ATF6B: variants seen among roughly 807,000 people sequenced by gnomAD.
ATF6B encodes the protein activating transcription factor 6 beta, also known as cyclic AMP-dependent transcription factor ATF-6 beta.
In ATF6B, 50 loss-of-function variants were observed where a neutral mutation model predicts 83.5. The observed-to-expected ratio is 0.60, with a 90% CI of 0.48 to 0.76. The LOEUF is 0.76. Ranked by LOEUF, ATF6B falls within the 30% of genes least tolerant of loss-of-function variation. ATF6B has a pLI of 0.00. For synonymous variants in ATF6B, 344 were observed against 362.8 expected, an observed-to-expected ratio of 0.95 and a Z score of 0.59; for missense variants, 790 against 893.8, an observed-to-expected ratio of 0.88 and a Z score of 1.48.
Position 32,126,214 on chromosome 6 carries a change from C to G in ATF6B, c.381G>C (p.Glu127Asp). 1 of 1,614,142 alleles carries G rather than the reference C, an allele frequency of 6.2e-7. No homozygotes were observed. Among genetic ancestry groups the G allele is most frequent in the Non-Finnish European group, 8.5e-7 (1 of 1,180,016 alleles). ...GGAGACACAGTGGGGGTGCCAAGGA[C>G]TCTGTCTTCACATGGAGCACCTCCC... ...GVGEVLHVKT[E>D]SLAPPLCLLG... Residue 127 changes from glutamate (E) to aspartate (D), a missense_variant, in exon 5 of 18, where the codon GAG becomes GAC. Around this residue, in one of 3 missense-constraint regions of ATF6B, gnomAD observed 253 missense variants for 243.1 expected, o/e 1.04. Coordinates refer to ENST00000375203, the MANE Select transcript of ATF6B (RefSeq NM_004381.5).
In ATF6B at chr6:32,119,799, T is replaced by G; in HGVS notation, c.966+25A>C. On this transcript the variant is annotated intron_variant, in intron 9 of 17. Coordinates refer to ENST00000375203, the MANE Select transcript of ATF6B (RefSeq NM_004381.5). The surrounding 1 kb of genome is among the most constrained non-coding windows in gnomAD (Gnocchi z 4.9). The stretch of plus-strand genomic sequence containing the variant: ...CCTCTTCCCTTCCCATCACTCGCCC[T>G]ACTTCTCTCCTCCCCAACACTTACA... The G allele has an allele frequency of 1.2e-6, 2 of 1,612,256 alleles. No homozygotes were observed. The highest frequency in any genetic ancestry group is 1.7e-6 in the Non-Finnish European group (2 of 1,178,840).
Position 32,116,015 on chromosome 6 carries a change from G to A in ATF6B, c.1883-47C>T. On this transcript the variant is annotated intron_variant, in intron 17 of 17. Coordinates refer to ENST00000375203, the MANE Select transcript of ATF6B (RefSeq NM_004381.5). The surrounding 1 kb of genome is among the most constrained non-coding windows in gnomAD (Gnocchi z 5.1). ...GGAAGAGGAGATGGGGAGGCAAACA[G>A]GGATTGCAGGGAGGAGGGGAGGAGG... is the stretch of plus-strand genomic sequence containing the variant. 3.4e-6 allele frequency: 5 copies of A among 1,469,810 alleles called. No individual in the cohort carries two copies. Among genetic ancestry groups the A allele is most frequent in the Non-Finnish European group, 4.7e-6 (5 of 1,061,644 alleles). The allele number at this position is 1,469,810 out of a possible 1,614,324, so 91.0% of individuals were successfully genotyped here.
In ATF6B at chr6:32,118,956, T is replaced by C; in HGVS notation, c.1152A>G (p.Glu384=). ...TCTCCCAGGGACAGACTGGTCTTAC[T>C]TCAGCCAGCAGGGCCTCCAGCCGCC... ...LRRRLEALLA[E]NSELKLGSGN... Residue 384 remains glutamate (E), a splice_region_variant and synonymous_variant, in exon 10 of 18, where the codon GAA becomes GAG. Transcript: ENST00000375203. This position sits in a 1 kb window ranked among gnomAD's most constrained non-coding sequence, Gnocchi z 5.2. The C allele has an allele frequency of 6.2e-7, 1 of 1,613,976 alleles. No individual in the cohort carries two copies. The highest frequency in any genetic ancestry group is 8.5e-7 in the Non-Finnish European group (1 of 1,179,834).
chr6:32,119,795 G>A lies in ATF6B; in HGVS notation c.966+29C>T, dbSNP rs747574554. 16 of 1,607,966 alleles carry A rather than the reference G, an allele frequency of 1.0e-5. No individual in the cohort carries two copies. The highest frequency in any genetic ancestry group is 6.7e-5 in the African/African-American group (5 of 74,588). On this transcript the variant is annotated intron_variant, in intron 9 of 17. Transcript: ENST00000375203. This position sits in a 1 kb window ranked among gnomAD's most constrained non-coding sequence, Gnocchi z 4.9. ...CTTCCCTCTTCCCTTCCCATCACTC[G>A]CCCTACTTCTCTCCTCCCCAACACT...
rs767831852 is a variant in ATF6B, at chr6:32,127,770, T to G, written c.92-20A>C. The G allele has an allele frequency of 6.2e-7, 1 of 1,613,486 alleles. No individual in the cohort carries two copies. Among genetic ancestry groups the G allele is most frequent in the Admixed American group, 1.7e-5 (1 of 59,994 alleles). Reference sequence around the variant, plus strand: ...TGCTGTCTGCAAGAAATGCTGAGCGTCGGGGGGTCGTTCGGTGGCCCCAGC... The same window carrying G: ...TGCTGTCTGCAAGAAATGCTGAGCGGCGGGGGGTCGTTCGGTGGCCCCAGC... On this transcript the variant is annotated intron_variant, in intron 1 of 17. Transcript: ENST00000375203.
At chr6:32,127,322 A>G (rs1291485184) in intron 3 of ATF6B, 120 bp downstream of exon 3, 1 of 1,358,862 alleles carries the variant, frequency 7.4e-7, no homozygotes, top group Non-Finnish European at 1.0e-6. Flanking sequence ...AGGGGATTGA[A>G]GGAGAGAGGA....
At position 32,125,366 on chromosome 6, in the gene ATF6B, G is replaced by A. The variant is rs530820687; in HGVS notation, c.478+751C>T. ...TCAATAAACATTTACTAAATACACA[G>A]CTACGAGTAAATAAACTTGGGAACA... On this transcript the variant is annotated intron_variant, in intron 5 of 17. Transcript: ENST00000375203. This position sits in a 1 kb window ranked among gnomAD's most constrained non-coding sequence, Gnocchi z 4.1. 6.6e-6 allele frequency among the ~76,000 whole-genome samples: 1 copy of A among 152,224 alleles called. No individual in the cohort carries two copies. The highest frequency in any genetic ancestry group is 2.1e-4 in the South Asian group (1 of 4,828).
intron 8 of ATF6B, chr6:32,120,183 C>T (rs887625734): frequency 3.0e-4 from 107 of 355,274 alleles, no homozygotes; most frequent in Non-Finnish European, 4.4e-4. Context: ...CTGCAAGCTC[C>T]GCCTCCCGGG....
At position 32,117,518 on chromosome 6, in the gene ATF6B, C is replaced by T. The variant is rs1313016661; in HGVS notation, c.1532+69G>A. 8.2e-6 allele frequency: 13 copies of T among 1,594,306 alleles called. No individual in the cohort carries two copies. The highest frequency in any genetic ancestry group is 8.6e-6 in the Non-Finnish European group (10 of 1,166,468). ...AGCACTGGCGCTTTAGTACACAGGC[C>T]AGCCAGGCTGACTGCAGAAGGCCTT... On this transcript the variant is annotated intron_variant, in intron 13 of 17. Transcript: ENST00000375203. The surrounding 1 kb of genome is among the most constrained non-coding windows in gnomAD (Gnocchi z 5.0).
Position 32,123,227 on chromosome 6 carries a change from CAAAAAAAAAAAA to C in ATF6B, c.479-1891_479-1880del, listed in dbSNP as rs9279489. Among the ~76,000 whole-genome samples, 12 of 58,940 alleles carry C rather than the reference CAAAAAAAAAAAA, an allele frequency of 2.0e-4. No homozygotes were observed. The East Asian group carries it at 4.9e-3, about 24-fold the overall frequency. The allele number at this position is 58,940 out of a possible 152,430, so 38.7% of individuals were successfully genotyped here. ...TGGGTGACAGGGCAAAACTCTGTCTCAAAAAAAAAAAAAAAAAAAAAAAAAAGGGAACTATTT... is the reference window on the plus strand; with the variant it reads ...TGGGTGACAGGGCAAAACTCTGTCTCAAAAAAAAAAAAAAGGGAACTATTT... On this transcript the variant is annotated intron_variant, in intron 5 of 17. Transcript: ENST00000375203.
In ATF6B at chr6:32,126,156, C is replaced by T. The variant is rs568807205; in HGVS notation, c.439G>A (p.Val147Ile). 29 of 1,614,144 alleles carry T rather than the reference C, an allele frequency of 1.8e-5. No homozygotes were observed. Among genetic ancestry groups the T allele is most frequent in the Admixed American group, 1.3e-4 (8 of 60,016 alleles). Residue 147 changes from valine (V) to isoleucine (I), a missense_variant, in exon 5 of 18, where the codon GTC becomes ATC. By Grantham distance (29) the Val-to-Ile change is conservative. This residue lies in a region of ATF6B where 253 missense variants were observed against 243.1 expected (regional missense o/e 1.04). Transcript: ENST00000375203. ...GAGGTGGGGATAACGTTGATCTGGA[C>T]GGTTTCAAATGAGGATGTTGGGTCA... is the stretch of plus-strand genomic sequence containing the variant. ...GDDPTSSFET[V>I]QINVIPTSDD...
At position 32,119,440 on chromosome 6, in the gene ATF6B, A is replaced by G. The variant is rs564093398; in HGVS notation, c.967-299T>C. On this transcript the variant is annotated intron_variant, in intron 9 of 17. Transcript: ENST00000375203. This position sits in a 1 kb window ranked among gnomAD's most constrained non-coding sequence, Gnocchi z 4.9. ...TAACTCTTTCTTCCTGTCAGCCCAC[A>G]TTTGTAGGGTTCAAAGTTTAACCTT... Among the ~76,000 whole-genome samples, 7 of 152,270 alleles carry G rather than the reference A, an allele frequency of 4.6e-5. No individual in the cohort carries two copies. The highest frequency in any genetic ancestry group is 6.5e-5 in the Admixed American group (1 of 15,294).
In ATF6B at chr6:32,116,636, A is replaced by C; in HGVS notation, c.1797+68T>G. 6.2e-7 allele frequency: 1 copy of C among 1,603,918 alleles called. No individual in the cohort carries two copies. The highest frequency in any genetic ancestry group is 8.5e-7 in the Non-Finnish European group (1 of 1,171,188). ...AACAAGCTCCCCAGCCCTACTCTAC[A>C]TCCCCCCACTGAAGACAGACTGCTG... On this transcript the variant is annotated intron_variant, in intron 16 of 17. Transcript: ENST00000375203. This position sits in a 1 kb window ranked among gnomAD's most constrained non-coding sequence, Gnocchi z 5.1.
rs1380031650 is a variant in ATF6B, at chr6:32,115,403, C to T, written c.*336G>A. 1 of 206,326 alleles carries T rather than the reference C, an allele frequency of 4.8e-6. No homozygotes were observed. Among genetic ancestry groups the T allele is most frequent in the Non-Finnish European group, 9.6e-6 (1 of 104,334 alleles). 12.8% of individuals were successfully genotyped at this position (206,326 alleles called of 1,614,324 possible). ...AATGAAAAAACTTCCCTTGTCCCAC[C>T]TGGGGACTAAATTCCCACCTCCACT... On this transcript the variant is annotated 3_prime_UTR_variant, in exon 18 of 18. Coordinates refer to ENST00000375203, the MANE Select transcript of ATF6B (RefSeq NM_004381.5).
In ATF6B at chr6:32,115,884, T is replaced by C. The variant is rs1420438871; in HGVS notation, c.1967A>G (p.His656Arg). 6.2e-7 allele frequency: 1 copy of C among 1,614,132 alleles called. No homozygotes were observed. The highest frequency in any genetic ancestry group is 8.5e-7 in the Non-Finnish European group (1 of 1,180,016). Residue 656 changes from histidine to arginine, a missense_variant, in exon 18 of 18, where the codon CAC becomes CGC. By Grantham distance (29) the His-to-Arg change is conservative. This residue lies in a region of ATF6B where 530 missense variants were observed against 632.6 expected (regional missense o/e 0.84). Coordinates refer to ENST00000375203, the MANE Select transcript of ATF6B (RefSeq NM_004381.5). ...ECEVMDTRVI[H>R]IKTSTVPPSL... ...GGGGGGCACTGTGGAGGTCTTGATG[T>C]GAATCACCCTGGTGTCCATGACCTC...
intron 8 of ATF6B, 127 bp from the exon 9 acceptor site, chr6:32,120,084 GC>G: frequency 3.3e-6 from 4 of 1,227,970 alleles, no homozygotes; most frequent in Non-Finnish European, 4.4e-6. Context: ...GGTCAATGCA[GC>G]CCGCCTCCTT....
intron 1 of ATF6B, among the ~76,000 whole-genome samples, 177 bp downstream of exon 1, chr6:32,127,940 G>A (rs527996703): frequency 6.6e-6 from 1 of 152,204 alleles, no homozygotes; most frequent in South Asian, 2.1e-4. Flanking sequence ...TTCCAGCAGG[G>A]AGCAGAGTTC....
intron 5 of ATF6B, 69 bp from the exon 6 acceptor site, chr6:32,121,417 G>A: frequency 6.8e-7 from 1 of 1,469,232 alleles, no homozygotes; most frequent in Non-Finnish European, 9.4e-7. Flanking sequence ...GGGTTAAGAT[G>A]GGAGGCTGGG....
rs528391263 is a variant in ATF6B at position 32,119,479 on chromosome 6, T to C, written c.967-338A>G. Among the ~76,000 whole-genome samples, 1 of 152,306 alleles carries C rather than the reference T, an allele frequency of 6.6e-6. No homozygotes were observed. Among genetic ancestry groups the C allele is most frequent in the South Asian group, 2.1e-4 (1 of 4,824 alleles). On this transcript the variant is annotated intron_variant, in intron 9 of 17. Transcript: ENST00000375203. This position sits in a 1 kb window ranked among gnomAD's most constrained non-coding sequence, Gnocchi z 4.9. Reference sequence around the variant, plus strand: ...AAGTTTAACCTTGTTATACTGCTTATACAGTTTACCTGATTTTCCCCTAGG... The same window carrying C: ...AAGTTTAACCTTGTTATACTGCTTACACAGTTTACCTGATTTTCCCCTAGG...
Sources: allele counts gnomAD v4.1 joint callset (sites outside exome capture counted in the v4.1 genomes callset), GRCh38; gene constraint gnomAD v4.1.1; regional missense constraint gnomAD v4.1.1; non-coding constraint Gnocchi (gnomAD v3.1); transcripts MANE v1.5; gene names NCBI Gene and HGNC (gene_info 2026-07-23, HGNC 2026-07-21).